The following SLC35F3 variants were observed in gnomAD, a reference collection of about 807,000 sequenced individuals.
The protein encoded by SLC35F3 is solute carrier family 35 member F3.
In SLC35F3, 25 loss-of-function variants were observed where a neutral mutation model predicts 49.9. The ratio of observed to expected loss-of-function variants is 0.50; its 90% CI spans 0.37 to 0.70. The LOEUF is 0.70. Among genes scored for constraint, SLC35F3 ranks in the 30% least tolerant of loss-of-function variants. The pLI is 0.00. For missense variants in SLC35F3, 525 were observed against 639.8 expected (o/e 0.82, Z 1.94); for synonymous variants, 275 against 265.4 (o/e 1.04, Z -0.35).
At chr1:234,247,105 T>C (rs915311153) in intron 3 of SLC35F3, among the ~76,000 whole-genome samples, 1 of 152,148 alleles carries the variant, frequency 6.6e-6, no homozygotes, top group Non-Finnish European at 1.5e-5. Flanking sequence ...GCACCAGCAA[T>C]GGTGTCTTAA....
intron 2 of SLC35F3, among the ~76,000 whole-genome samples, chr1:233,923,239 A>G (rs1320572648): frequency 6.6e-6 from 1 of 152,202 alleles, no homozygotes; most frequent in Non-Finnish European, 1.5e-5. Flanking sequence ...TACCTTGGGC[A>G]GTATGGCCAT....
At chr1:234,023,547 G>A (rs976852815) in intron 2 of SLC35F3, among the ~76,000 whole-genome samples, 4 of 152,120 alleles carry the variant, frequency 2.6e-5, no homozygotes, top group African/African-American at 9.7e-5. Context: ...TGCAGTACAA[G>A]TACAAATAAC....
At chr1:234,180,645 C>T (rs1193290339) in intron 2 of SLC35F3, among the ~76,000 whole-genome samples, 1 of 152,150 alleles carries the variant, frequency 6.6e-6, no homozygotes, top group Admixed American at 6.6e-5. Flanking sequence ...ACCTCTCTTC[C>T]TATTTCCCTC....
chr1:234,208,959 CTG>C (rs1315583678), intron 2 of SLC35F3, among the ~76,000 whole-genome samples: 1 of 152,212 alleles, frequency 6.6e-6, no homozygotes, highest in Non-Finnish European at 1.5e-5. Flanking sequence ...GATGAGCAAA[CTG>C]TTGCACAGTA....
intron 2 of SLC35F3, among the ~76,000 whole-genome samples, chr1:233,918,462 G>C (rs1368117399): frequency 6.6e-6 from 1 of 152,140 alleles, no homozygotes; most frequent in Non-Finnish European, 1.5e-5. Context: ...AGACATTTTG[G>C]AGCCAGTTGG....
At chr1:234,253,220 G>A (rs1403799027) in intron 3 of SLC35F3, among the ~76,000 whole-genome samples, 2 of 152,138 alleles carry the variant, frequency 1.3e-5, no homozygotes, top group Non-Finnish European at 2.9e-5. Context: ...CAGCTACTCA[G>A]GAGGCTGAGG....
chr1:233,959,378 T>G (rs528864529), intron 2 of SLC35F3, among the ~76,000 whole-genome samples: 1 of 152,256 alleles, frequency 6.6e-6, no homozygotes, highest in East Asian at 1.9e-4. Flanking sequence ...AAAAAAGCAG[T>G]AAGTACACAT....
intron 2 of SLC35F3, among the ~76,000 whole-genome samples, chr1:234,208,749 T>C (rs981646950): frequency 6.6e-6 from 1 of 152,152 alleles, no homozygotes; most frequent in African/African-American, 2.4e-5. Flanking sequence ...CACTTCAGTA[T>C]CCAGACCTCT....
At chr1:234,222,286 G>A (rs1017192622) in intron 2 of SLC35F3, among the ~76,000 whole-genome samples, 1 of 152,148 alleles carries the variant, frequency 6.6e-6, no homozygotes, top group Non-Finnish European at 1.5e-5. Context: ...GTCACCCATT[G>A]TTGGTTCAGA....
rs1392926925 is a variant in SLC35F3, at chr1:234,108,725, A to ATCTTTT, written c.284-122692_284-122691insTCTTTT. On this transcript the variant is annotated intron_variant, in intron 2 of 7. Coordinates refer to ENST00000366618, the MANE Select transcript of SLC35F3 (RefSeq NM_173508.4). ...TATTATATATATAAAAGATATATATAAATATATATATCTTTTATATATAAA... is the reference window on the plus strand; with the variant it reads ...TATTATATATATAAAAGATATATATATCTTTTAATATATATATCTTTTATATATAAA... Among the ~76,000 whole-genome samples the ATCTTTT allele has an allele frequency of 6.9e-5, 5 of 72,250 alleles. 1 individual carries two copies. The highest frequency in any genetic ancestry group is 1.2e-4 in the Non-Finnish European group (5 of 40,062). The allele number at this position is 72,250 out of a possible 152,430, so 47.4% of individuals were successfully genotyped here. A position where few individuals can be genotyped will look rare whatever the true frequency, so the allele number is the denominator to read the frequency against.
intron 2 of SLC35F3, among the ~76,000 whole-genome samples, chr1:234,071,020 G>A (rs1421301720): frequency 1.3e-5 from 2 of 152,192 alleles, no homozygotes; most frequent in African/African-American, 2.4e-5. Context: ...GCAGCCGACA[G>A]AGCCTCACGA....
chr1:234,273,752 G>T (rs150980001), intron 3 of SLC35F3, among the ~76,000 whole-genome samples: 131 of 152,238 alleles, frequency 8.6e-4, no homozygotes, highest in African/African-American at 3.1e-3. Flanking sequence ...GAGAAATGGG[G>T]ACTTGATGGA....
chr1:234,280,790 A>G (rs532497836), intron 3 of SLC35F3, among the ~76,000 whole-genome samples: 94 of 152,290 alleles, frequency 6.2e-4, no homozygotes, highest in African/African-American at 2.0e-3. Context: ...TCCTTTTGCA[A>G]ATGGGGAAAC....
chr1:234,212,767 T>A (rs1667062468), intron 2 of SLC35F3: 1 of 152,250 alleles, frequency 6.6e-6, no homozygotes. Context: ...CACATAGAAG[T>A]ATTATTTTGT....
chr1:233,938,687 TGG>T (rs1662373233), intron 2 of SLC35F3, among the ~76,000 whole-genome samples: 4 of 151,250 alleles, frequency 2.6e-5, no homozygotes, highest in Non-Finnish European at 4.4e-5. Flanking sequence ...GATGGATGGA[TGG>T]ATGGATGGAT....
At chr1:234,175,624 C>T (rs1666464234) in intron 2 of SLC35F3, among the ~76,000 whole-genome samples, 1 of 142,900 alleles carries the variant, frequency 7.0e-6, no homozygotes, top group Admixed American at 7.6e-5. Context: ...GATTGCACCA[C>T]TGCACTCCAG....
intron 2 of SLC35F3, among the ~76,000 whole-genome samples, chr1:234,221,434 G>C (rs1667202669): frequency 6.6e-6 from 1 of 152,196 alleles, no homozygotes; most frequent in Admixed American, 6.5e-5. Flanking sequence ...GATCGGCTTT[G>C]AAAAGGAACA....
chr1:234,169,414 G>C (rs549251379), intron 2 of SLC35F3, among the ~76,000 whole-genome samples: 53 of 152,300 alleles, frequency 3.5e-4, no homozygotes, highest in African/African-American at 1.3e-3. Flanking sequence ...CAGATGGTTA[G>C]CAACATGACA....
intron 2 of SLC35F3, among the ~76,000 whole-genome samples, chr1:233,923,045 C>A (rs1431418556): frequency 6.6e-6 from 1 of 152,104 alleles, no homozygotes. Context: ...GTTTTGGTTA[C>A]TGTAGCCTTG....
Sources: allele counts gnomAD v4.1 joint callset (sites outside exome capture counted in the v4.1 genomes callset), GRCh38; gene constraint gnomAD v4.1.1; transcripts MANE v1.5; gene names NCBI Gene and HGNC (gene_info 2026-07-23, HGNC 2026-07-21).